Variants in IPPK observed in about 807,000 individuals in gnomAD.
IPPK encodes inositol-pentakisphosphate 2-kinase.
A neutral mutation model predicts 64.6 loss-of-function variants in IPPK; 22 were observed. That is an observed-to-expected ratio of 0.34 (90% CI 0.24 to 0.49). The LOEUF (loss-of-function observed/expected upper bound fraction) is 0.49. Among genes scored for constraint, IPPK ranks in the 20% least tolerant of loss-of-function variants. The probability of loss-of-function intolerance (pLI) is 0.99; values close to 1 mark genes in which losing one functional copy is unlikely to be tolerated. For synonymous variants in IPPK, 262 were observed against 247.2 expected (o/e 1.06, Z -0.56); for missense variants, 532 against 630.7 (o/e 0.84, Z 1.68).
At position 92,635,240 on chromosome 9, in the gene IPPK, T is replaced by C; in HGVS notation, c.985A>G (p.Met329Val). Residue 329 changes from methionine (M) to valine (V), a missense_variant, in exon 10 of 13, where the codon ATG becomes GTG. Transcript: ENST00000287996. The surrounding 1 kb of genome is among the most constrained non-coding windows in gnomAD (Gnocchi z 4.4). ...CCTTCGATGTCCAGCAGGTCCAACATCTGCACCTGGAGGGTTTTGTACAGA... is the reference window on the plus strand; with the variant it reads ...CCTTCGATGTCCAGCAGGTCCAACACCTGCACCTGGAGGGTTTTGTACAGA... Reference protein sequence around the residue: ...CLLYKTLQVQMLDLLDIEGLY... With the variant: ...CLLYKTLQVQVLDLLDIEGLY... 6.2e-7 allele frequency: 1 copy of C among 1,614,124 alleles called. No individual in the cohort carries two copies. Among genetic ancestry groups the C allele is most frequent in the Non-Finnish European group, 8.5e-7 (1 of 1,179,992 alleles).
At chr9:92,647,001 G>A (rs1478069942) in intron 6 of IPPK, among the ~76,000 whole-genome samples, 1 of 152,166 alleles carries the variant, frequency 6.6e-6, no homozygotes, top group African/African-American at 2.4e-5. Context: ...GAAAATGGGG[G>A]AGAGGGGAGC....
In IPPK at chr9:92,626,041, G is replaced by C. The variant is rs184545591; in HGVS notation, c.1171-6476C>G. On this transcript the variant is annotated intron_variant, in intron 11 of 12. Transcript: ENST00000287996. ...GAAATAGACAAGCCACAAGGAACTA[G>C]AAAAAAATACCAAGGAGATGTGAAA... 5.7e-4 allele frequency among the ~76,000 whole-genome samples: 87 copies of C among 151,678 alleles called. 1 individual carries two copies. The highest frequency in any genetic ancestry group is 1.8e-3 in the African/African-American group (73 of 41,410).
chr9:92,616,391 G>A (rs1253954464), intron 12 of IPPK: 1 of 221,990 alleles, frequency 4.5e-6, no homozygotes, highest in African/African-American at 2.3e-5. Flanking sequence ...AAGTAATTAT[G>A]TGGAACATGT....
chr9:92,626,073 C>T (rs1431129243), intron 11 of IPPK, among the ~76,000 whole-genome samples: 1 of 151,954 alleles, frequency 6.6e-6, no homozygotes, highest in African/African-American at 2.4e-5. Context: ...GAAAACAAAC[C>T]AAATAGAATT....
intron 11 of IPPK, among the ~76,000 whole-genome samples, chr9:92,632,568 A>T (rs1030905689): frequency 2.0e-5 from 3 of 152,262 alleles, no homozygotes; most frequent in African/African-American, 7.2e-5. Flanking sequence ...CTCTTAGGAA[A>T]AAACCCGCCA....
rs1472251788 is a variant in IPPK at position 92,670,075 on chromosome 9, G to A, written c.-87C>T. On this transcript the variant is annotated 5_prime_UTR_variant, in exon 1 of 13. Coordinates refer to ENST00000287996, the MANE Select transcript of IPPK (RefSeq NM_022755.6). ...CGCCTCGCTGGGAACCAGCCGCTGC[G>A]GTCGGGGGAGGAGCGCCTGTCAGCT... The A allele has an allele frequency of 9.5e-6, 9 of 949,466 alleles. No individual in the cohort carries two copies. The highest frequency in any genetic ancestry group is 3.1e-5 in the East Asian group (1 of 32,190). 58.8% of individuals were successfully genotyped at this position (949,466 alleles called of 1,614,324 possible). A position where few individuals can be genotyped will look rare whatever the true frequency, so the allele number is the denominator to read the frequency against.
chr9:92,647,844 T>C (rs962136595), intron 6 of IPPK, among the ~76,000 whole-genome samples: 2 of 152,124 alleles, frequency 1.3e-5, no homozygotes. Flanking sequence ...GTGAGTATGA[T>C]TGCATCACTG....
Position 92,648,455 on chromosome 9 carries a change from C to T in IPPK, c.415-307G>A, listed in dbSNP as rs558644208. On this transcript the variant is annotated intron_variant, in intron 5 of 12. Coordinates refer to ENST00000287996, the MANE Select transcript of IPPK (RefSeq NM_022755.6). ...TTTCATTCAAGAATGTGACTGCAAG[C>T]CTCTAGTAGTAGAGATGGACCCAGG... Among the ~76,000 whole-genome samples the T allele has an allele frequency of 2.0e-5, 3 of 152,328 alleles. No homozygotes were observed. In the East Asian group the frequency reaches 5.8e-4, roughly 29 times the overall value.
At chr9:92,626,454 T>A (rs913946047) in intron 11 of IPPK, among the ~76,000 whole-genome samples, 1 of 151,968 alleles carries the variant, frequency 6.6e-6, no homozygotes, top group Non-Finnish European at 1.5e-5. Flanking sequence ...AAATGGCAGA[T>A]TAGACACAGC....
intron 11 of IPPK, among the ~76,000 whole-genome samples, chr9:92,633,025 TTA>T (rs1491370418): frequency 1.3e-5 from 2 of 152,092 alleles, no homozygotes; most frequent in African/African-American, 4.8e-5. Context: ...TTTTTTTTTT[TTA>T]TGAGATGGAG....
chr9:92,648,229 A>C, intron 5 of IPPK, 81 bp from the exon 6 acceptor site: 1 of 1,038,038 alleles, frequency 9.6e-7, no homozygotes, highest in South Asian at 1.4e-5. Flanking sequence ...TGACTACAAG[A>C]TAATGAGTGC....
Position 92,640,785 on chromosome 9 carries a change from A to G in IPPK, c.564-3T>C. On this transcript the variant is annotated splice_region_variant and splice_polypyrimidine_tract_variant and intron_variant, in intron 7 of 12. Transcript: ENST00000287996. Reference sequence around the variant, plus strand: ...CAAAGTGCATTCTCTGTTTGTTTCTAAAAGGGAAAAGCATTAACATGCTTT... The same window carrying G: ...CAAAGTGCATTCTCTGTTTGTTTCTGAAAGGGAAAAGCATTAACATGCTTT... 1 of 1,605,334 alleles carries G rather than the reference A, an allele frequency of 6.2e-7. No homozygotes were observed. Among genetic ancestry groups the G allele is most frequent in the East Asian group, 2.2e-5 (1 of 44,812 alleles).
chr9:92,616,147 T>C, intron 12 of IPPK, 90 bp from the exon 13 acceptor site: 2 of 826,746 alleles, frequency 2.4e-6, no homozygotes, highest in East Asian at 2.7e-5. Context: ...TTTCAACTAG[T>C]ATGTTTTTAT....
chr9:92,624,391 G>A (rs148189169), intron 11 of IPPK, among the ~76,000 whole-genome samples: 126 of 152,152 alleles, frequency 8.3e-4, no homozygotes, highest in African/African-American at 2.9e-3. Context: ...CCCGGGAGGC[G>A]GAGGTTGCAG....
intron 12 of IPPK, chr9:92,616,927 G>A (rs2131410881): frequency 6.6e-6 from 1 of 152,262 alleles, no homozygotes; most frequent in South Asian, 2.1e-4. Context: ...AAATCAACAA[G>A]CCAAACCCCA....
intron 1 of IPPK, among the ~76,000 whole-genome samples, chr9:92,659,572 G>A (rs900508242): frequency 5.3e-5 from 8 of 152,036 alleles, no homozygotes; most frequent in African/African-American, 1.2e-4. Context: ...AGGAGAATGC[G>A]CCTGGGAGGG....
At position 92,670,064 on chromosome 9, in the gene IPPK, C is replaced by A; in HGVS notation, c.-76G>T. 1 of 1,100,898 alleles carries A rather than the reference C, an allele frequency of 9.1e-7. No homozygotes were observed. The highest frequency in any genetic ancestry group is 1.4e-5 in the South Asian group (1 of 71,266). The allele number at this position is 1,100,898 out of a possible 1,614,324, so 68.2% of individuals were successfully genotyped here. On this transcript the variant is annotated 5_prime_UTR_variant, in exon 1 of 13. Transcript: ENST00000287996. ...TGGGGGCCGCCCGCCTCGCTGGGAA[C>A]CAGCCGCTGCGGTCGGGGGAGGAGC...
intron 1 of IPPK, among the ~76,000 whole-genome samples, chr9:92,666,859 C>T (rs533308467): frequency 2.7e-4 from 41 of 152,328 alleles, no homozygotes; most frequent in African/African-American, 8.7e-4. Context: ...TCCTGTAGCC[C>T]ACACCTAGTT....
intron 11 of IPPK, 52 bp from the exon 12 acceptor site, chr9:92,619,617 C>A (rs534840269): frequency 6.9e-7 from 1 of 1,454,742 alleles, no homozygotes. Flanking sequence ...CCTCTGCCCC[C>A]CCACACAACC....
Sources: gnomAD v4.1 joint callset for allele counts (sites outside exome capture counted in the v4.1 genomes callset) on GRCh38, gnomAD v4.1.1 for gene constraint, Gnocchi (gnomAD v3.1) non-coding constraint, MANE v1.5 for transcripts, NCBI Gene and HGNC (gene_info 2026-07-23, HGNC 2026-07-21) for gene names.